The following GCC2 variants were observed in gnomAD, a reference collection of about 807,000 sequenced individuals.
The protein encoded by GCC2 is GRIP and coiled-coil domain-containing protein 2.
In GCC2, 120 loss-of-function variants were observed where a neutral mutation model predicts 210.6. That is an observed-to-expected ratio of 0.57 (90% CI 0.49 to 0.66). The LOEUF is 0.66. Ranked by LOEUF, GCC2 falls within the 30% of genes least tolerant of loss-of-function variation. GCC2 has a pLI of 0.00. For missense variants in GCC2, 1,868 were observed against 1,871.9 expected, an observed-to-expected ratio of 1.00 and a Z score of 0.04; for synonymous variants, 703 against 652.7, an observed-to-expected ratio of 1.08 and a Z score of -1.17.
At chr2:108,500,911 T>A (rs534824511) in intron 22 of GCC2, among the ~76,000 whole-genome samples, 1 of 152,162 alleles carries the variant, frequency 6.6e-6, no homozygotes, top group African/African-American at 2.4e-5. Context: ...ATTTTGCCTG[T>A]GTTATTGTGA....
chr2:108,463,999 A>G (rs762593803), intron 4 of GCC2, among the ~76,000 whole-genome samples: 1 of 151,692 alleles, frequency 6.6e-6, no homozygotes, highest in East Asian at 1.9e-4. Flanking sequence ...TCCCCTGGAC[A>G]TTGCTCTCAG....
chr2:108,458,216 C>G (rs1425600655), intron 4 of GCC2, among the ~76,000 whole-genome samples: 1 of 150,814 alleles, frequency 6.6e-6, no homozygotes, highest in Non-Finnish European at 1.5e-5. Flanking sequence ...TGTGATATGT[C>G]ACATTGATTT....
chr2:108,498,013 T>C (rs4012130), intron 21 of GCC2, among the ~76,000 whole-genome samples: 14 of 152,084 alleles, frequency 9.2e-5, no homozygotes, highest in Middle Eastern at 3.4e-3. Context: ...ATTTTAAAGC[T>C]GAATTCAGTT....
In GCC2 at chr2:108,482,428, C is replaced by T. The variant is rs777225487; in HGVS notation, c.3322C>T (p.Leu1108Phe). 1 of 1,568,648 alleles carries T rather than the reference C, an allele frequency of 6.4e-7. No homozygotes were observed. Among genetic ancestry groups the T allele is most frequent in the Non-Finnish European group, 8.8e-7 (1 of 1,142,632 alleles). ...AGACAAAGAATTAGAAGCTGAAAAA[C>T]TTCAGAAAGAACAGAAGATAAAGGT... ...MVDKELEAEK[L>F]QKEQKIKEHA... The change falls in exon 11 of 23, where the codon CTT becomes TTT. Residue 1108 changes from leucine (L) to phenylalanine (F), a missense_variant. Transcript: ENST00000309863.
Position 108,507,702 on chromosome 2 carries a change from A to G in GCC2, c.*72A>G. Reference sequence around the variant, plus strand: ...AAAATGGTTCACGTATATTACCACAATTCTTTTGTCAAAAAGTGTGTATAT... The same window carrying G: ...AAAATGGTTCACGTATATTACCACAGTTCTTTTGTCAAAAAGTGTGTATAT... On this transcript the variant is annotated 3_prime_UTR_variant, in exon 23 of 23. Transcript: ENST00000309863. The G allele has an allele frequency of 2.8e-6, 3 of 1,063,866 alleles. No homozygotes were observed. In the South Asian group the frequency reaches 4.0e-5, roughly 14 times the overall value. 65.9% of individuals were successfully genotyped at this position (1,063,866 alleles called of 1,614,324 possible).
rs1223836489 is a variant in GCC2 at position 108,471,665 on chromosome 2, T to A, written c.2336T>A (p.Val779Asp). 2 of 1,613,502 alleles carry A rather than the reference T, an allele frequency of 1.2e-6. No individual in the cohort carries two copies. Among genetic ancestry groups the A allele is most frequent in the African/African-American group, 1.3e-5 (1 of 75,028 alleles). ...TCAGAAGACAGTGAAGAGAAAGATG[T>A]TGTTAATGTCCTACAGGCAGTCGGT... ...EVSEDSEEKD[V>D]VNVLQAVGES... The change falls in exon 6 of 23, where the codon GTT becomes GAT. Residue 779 changes from valine to aspartate, a missense_variant. This residue lies in a region of GCC2 where 1,847 missense variants were observed against 1,765.2 expected (regional missense o/e 1.05). Coordinates refer to ENST00000309863, the MANE Select transcript of GCC2 (RefSeq NM_181453.4).
intron 3 of GCC2, 48 bp downstream of exon 3, chr2:108,451,160 G>T: frequency 8.8e-7 from 1 of 1,138,840 alleles, no homozygotes; most frequent in Non-Finnish European, 1.3e-6. Flanking sequence ...TTTAATCGTG[G>T]TTTAAAATGG....
At chr2:108,455,937 T>G (rs1329908493) in intron 4 of GCC2, among the ~76,000 whole-genome samples, 1 of 152,114 alleles carries the variant, frequency 6.6e-6, no homozygotes, top group South Asian at 2.1e-4. Context: ...AATATTGGGG[T>G]TTTTGGATTG....
chr2:108,495,024 C>T (rs552623281), intron 19 of GCC2: 4 of 200,306 alleles, frequency 2.0e-5, no homozygotes, highest in African/African-American at 9.4e-5. Context: ...CTTGGCCAGG[C>T]TGGTCTTGAA....
rs796990314 is a variant in GCC2, at chr2:108,487,554, C to T, written c.3931-145C>T. 22 of 745,510 alleles carry T rather than the reference C, an allele frequency of 3.0e-5. No homozygotes were observed. The African/African-American group carries it at 3.5e-4, about 12-fold the overall frequency. 46.2% of individuals were successfully genotyped at this position (745,510 alleles called of 1,614,324 possible). A position where few individuals can be genotyped will look rare whatever the true frequency, so the allele number is the denominator to read the frequency against. ...AAGCCAACAGAAGTATGCTTTTTAG[C>T]AAGGTTAATCAAGAAACCAAAAAGA... On this transcript the variant is annotated intron_variant, in intron 16 of 22. Transcript: ENST00000309863.
chr2:108,490,093 G>C, intron 18 of GCC2, 79 bp downstream of exon 18: 1 of 1,003,070 alleles, frequency 1.0e-6, no homozygotes, highest in South Asian at 2.4e-5. Flanking sequence ...GTTGATCCTT[G>C]AGATAAATGC....
At chr2:108,460,284 C>A (rs1215049433) in intron 4 of GCC2, among the ~76,000 whole-genome samples, 1 of 152,106 alleles carries the variant, frequency 6.6e-6, no homozygotes, top group Non-Finnish European at 1.5e-5. Flanking sequence ...GTGGGCAGCA[C>A]GTAGTCGGAT....
chr2:108,475,998 G>T, intron 9 of GCC2, 148 bp downstream of exon 9: 5 of 353,466 alleles, frequency 1.4e-5, no homozygotes, highest in Non-Finnish European at 2.1e-5. Context: ...GGGGTGCAAT[G>T]TAATAGAATC....
chr2:108,492,754 C>T lies in GCC2; in HGVS notation c.4411C>T (p.Gln1471Ter). Residue 1471 changes from glutamine (Q) to a stop codon, truncating the protein, a stop_gained, in exon 19 of 23, where the codon CAG becomes TAG. Transcript: ENST00000309863. LOFTEE classifies it high-confidence loss of function. ...LQQQLSKMEAQLFQLKNEPTT... is the reference protein window; with the variant it reads ...LQQQLSKMEA ...GCAGCAGCTCTCCAAGATGGAAGCA[C>T]AGCTCTTCCAGCTTAAGAATGAACC... The T allele has an allele frequency of 1.2e-6, 2 of 1,613,590 alleles. No individual in the cohort carries two copies. The highest frequency in any genetic ancestry group is 1.7e-6 in the Non-Finnish European group (2 of 1,179,500).
At chr2:108,457,393 T>C (rs1299500423) in intron 4 of GCC2, among the ~76,000 whole-genome samples, 1 of 152,202 alleles carries the variant, frequency 6.6e-6, no homozygotes. Context: ...TTCTATAGCC[T>C]CGTAATATGT....
chr2:108,507,089 T>C (rs149357068), intron 22 of GCC2, among the ~76,000 whole-genome samples: 4,484 of 152,192 alleles, frequency 0.029, 97 homozygotes, highest in Middle Eastern at 0.054. Flanking sequence ...ATTTAGTAAG[T>C]AGTGTGTCTA....
chr2:108,473,066 C>G, intron 7 of GCC2, 167 bp downstream of exon 7: 1 of 488,968 alleles, frequency 2.0e-6, no homozygotes, highest in African/African-American at 2.0e-5. Context: ...TGTTTGCCTT[C>G]TCTTTCAAAA....
At chr2:108,488,111 T>C (rs1682237925) in intron 17 of GCC2, among the ~76,000 whole-genome samples, 1 of 152,040 alleles carries the variant, frequency 6.6e-6, no homozygotes, top group Non-Finnish European at 1.5e-5. Flanking sequence ...TTCACCATGT[T>C]GGCCAGGCTG....
intron 20 of GCC2, 28 bp from the exon 21 acceptor site, chr2:108,496,942 A>C: frequency 6.2e-7 from 1 of 1,610,976 alleles, no homozygotes; most frequent in Non-Finnish European, 8.5e-7. Context: ...TGATTTTGAA[A>C]ATTAATTCTT....
Sources: allele counts gnomAD v4.1 joint callset (sites outside exome capture counted in the v4.1 genomes callset), GRCh38; gene constraint gnomAD v4.1.1; regional missense constraint gnomAD v4.1.1; transcripts MANE v1.5; gene names NCBI Gene and HGNC (gene_info 2026-07-23, HGNC 2026-07-21).